The following SH2D4A variants were observed in gnomAD, a reference collection of about 807,000 sequenced individuals.
The protein encoded by SH2D4A is SH2 domain-containing protein 4A.
SH2D4A carries 70 observed loss-of-function variants against 64.7 expected under a neutral mutation model. The observed-to-expected ratio is 1.08, with a 90% CI of 0.89 to 1.32. The LOEUF (loss-of-function observed/expected upper bound fraction) is 1.32. SH2D4A is among the 40% of genes most tolerant of loss of function. The probability of loss-of-function intolerance (pLI) is 0.00; values close to 1 mark genes in which losing one functional copy is unlikely to be tolerated. For synonymous variants in SH2D4A, 268 were observed against 200.7 expected (o/e 1.34, Z -2.83); for missense variants, 706 against 540.1 (o/e 1.31, Z -3.04).
chr8:19,384,072 G>A (rs1261029343), intron 8 of SH2D4A, among the ~76,000 whole-genome samples: 1 of 152,112 alleles, frequency 6.6e-6, no homozygotes, highest in Non-Finnish European at 1.5e-5. Flanking sequence ...GTATCATTTT[G>A]AGTAACAGTG....
intron 2 of SH2D4A, among the ~76,000 whole-genome samples, chr8:19,321,657 T>G (rs556697501): frequency 4.3e-4 from 65 of 151,776 alleles, no homozygotes; most frequent in Non-Finnish European, 8.4e-4. Context: ...AACATAACTC[T>G]TTTTCTTTCT....
chr8:19,320,874 A>C (rs760512210), intron 2 of SH2D4A, among the ~76,000 whole-genome samples: 3 of 152,162 alleles, frequency 2.0e-5, no homozygotes, highest in Non-Finnish European at 4.4e-5. Flanking sequence ...AATTTTGTAA[A>C]ATCACATATG....
chr8:19,317,817 A>T (rs1357285309), intron 1 of SH2D4A, among the ~76,000 whole-genome samples: 1 of 152,248 alleles, frequency 6.6e-6, no homozygotes, highest in African/African-American at 2.4e-5. Flanking sequence ...GTATGGAGAA[A>T]CAACGTATTT....
intron 3 of SH2D4A, among the ~76,000 whole-genome samples, chr8:19,334,377 CT>C (rs2052410919): frequency 6.6e-6 from 1 of 152,154 alleles, no homozygotes; most frequent in Non-Finnish European, 1.5e-5. Flanking sequence ...AATAGGTTAA[CT>C]TCTAAACCAG....
At chr8:19,360,604 G>T (rs2052867033) in intron 5 of SH2D4A, among the ~76,000 whole-genome samples, 1 of 151,960 alleles carries the variant, frequency 6.6e-6, no homozygotes, top group Non-Finnish European at 1.5e-5. Flanking sequence ...AAGGAGTGAG[G>T]CTCCATCTTA....
chr8:19,376,027 A>G (rs936297521), intron 8 of SH2D4A, among the ~76,000 whole-genome samples: 10 of 151,750 alleles, frequency 6.6e-5, no homozygotes, highest in African/African-American at 2.2e-4. Context: ...GACACACCAC[A>G]CTTGTCCCTA....
chr8:19,332,909 A>C, intron 2 of SH2D4A, 46 bp from the exon 3 acceptor site: 1 of 1,586,772 alleles, frequency 6.3e-7, no homozygotes, highest in South Asian at 1.2e-5. Flanking sequence ...CTGTGACTAA[A>C]GATATTTGTT....
intron 2 of SH2D4A, among the ~76,000 whole-genome samples, chr8:19,324,102 G>C (rs1292286716): frequency 6.6e-6 from 1 of 152,226 alleles, no homozygotes; most frequent in Non-Finnish European, 1.5e-5. Flanking sequence ...GGCGCCTTGC[G>C]CACATCTAAA....
chr8:19,315,454 C>G (rs145735970), intron 1 of SH2D4A, among the ~76,000 whole-genome samples: 48 of 152,288 alleles, frequency 3.2e-4, no homozygotes, highest in African/African-American at 1.2e-3. Context: ...ATGATTTAGC[C>G]TGTATCTAAG....
At chr8:19,344,157 G>A (rs1305081802) in intron 4 of SH2D4A, among the ~76,000 whole-genome samples, 1 of 152,162 alleles carries the variant, frequency 6.6e-6, no homozygotes, top group Non-Finnish European at 1.5e-5. Context: ...TAGTACCCAT[G>A]TGTTATCTCC....
intron 8 of SH2D4A, among the ~76,000 whole-genome samples, chr8:19,380,303 T>C (rs1299277149): frequency 6.6e-6 from 1 of 152,198 alleles, no homozygotes; most frequent in Non-Finnish European, 1.5e-5. Context: ...TAAAAATATT[T>C]TCGCCTGTTT....
At chr8:19,355,704 T>C (rs1310424063) in intron 4 of SH2D4A, among the ~76,000 whole-genome samples, 1 of 152,182 alleles carries the variant, frequency 6.6e-6, no homozygotes, top group African/African-American at 2.4e-5. Flanking sequence ...CCATCACAGA[T>C]GTTGTGTGGA....
intron 4 of SH2D4A, among the ~76,000 whole-genome samples, chr8:19,339,675 A>G (rs1028766350): frequency 6.6e-6 from 1 of 151,246 alleles, no homozygotes; most frequent in African/African-American, 2.4e-5. Context: ...AATTTTAACA[A>G]TTTTTTATAG....
chr8:19,384,482 G>A (rs1280972039), intron 8 of SH2D4A, among the ~76,000 whole-genome samples: 2 of 152,178 alleles, frequency 1.3e-5, no homozygotes, highest in Non-Finnish European at 2.9e-5. Context: ...GTTCCGGACT[G>A]TCTTGACCTT....
intron 5 of SH2D4A, among the ~76,000 whole-genome samples, chr8:19,359,587 C>T (rs1243803365): frequency 6.6e-6 from 1 of 152,094 alleles, no homozygotes; most frequent in Non-Finnish European, 1.5e-5. Flanking sequence ...CAGCTTCAAT[C>T]AAAGGATGGC....
At chr8:19,392,473 C>T (rs573293049) in intron 8 of SH2D4A, among the ~76,000 whole-genome samples, 4 of 152,232 alleles carry the variant, frequency 2.6e-5, no homozygotes, top group East Asian at 3.9e-4. Context: ...CTAACCCCAT[C>T]CTCCATCCAT....
chr8:19,372,620 GTGT>G (rs754868087), intron 7 of SH2D4A, among the ~76,000 whole-genome samples: 4 of 152,254 alleles, frequency 2.6e-5, no homozygotes, highest in Middle Eastern at 3.4e-3. Flanking sequence ...GACTGCAGTG[GTGT>G]TGTTGTGTTT....
rs543187473 is a variant in SH2D4A at position 19,392,733 on chromosome 8, C to CT, written c.1049-575dup. Among the ~76,000 whole-genome samples, 999 of 147,876 alleles carry CT rather than the reference C, an allele frequency of 6.8e-3. 9 individuals are homozygous for CT. The highest frequency in any genetic ancestry group is 0.023 in the African/African-American group (927 of 40,294). On this transcript the variant is annotated intron_variant, in intron 8 of 9. Transcript: ENST00000265807. ...TGGGTGTATAAGTAGAAATATATTC[C>CT]TTTTTTTTTTGTTTTGTTTTTTGAG...
intron 4 of SH2D4A, among the ~76,000 whole-genome samples, chr8:19,350,726 T>C (rs1447700845): frequency 1.4e-4 from 22 of 152,126 alleles, no homozygotes. Context: ...GCAAACAATC[T>C]TCTGACTGGG....
Sources: gnomAD v4.1 joint callset for allele counts (sites outside exome capture counted in the v4.1 genomes callset) on GRCh38, gnomAD v4.1.1 for gene constraint, MANE v1.5 for transcripts, NCBI Gene and HGNC (gene_info 2026-07-23, HGNC 2026-07-21) for gene names.